GALNT17: variants seen among roughly 807,000 people sequenced by gnomAD.
The protein encoded by GALNT17 is UDP-GalNAc:polypeptide N-acetylgalactosaminyltransferase-like 3.
GALNT17 carries 29 observed loss-of-function variants against 63.7 expected under a neutral mutation model. The observed-to-expected ratio is 0.46, with a 90% CI of 0.34 to 0.62. The LOEUF (loss-of-function observed/expected upper bound fraction) is 0.62. GALNT17 is among the 20% of genes least tolerant of loss of function. GALNT17 has a pLI of 0.01. For synonymous variants in GALNT17, 305 were observed against 318.3 expected, an observed-to-expected ratio of 0.96 and a Z score of 0.45; for missense variants, 603 against 799.6, an observed-to-expected ratio of 0.75 and a Z score of 2.97.
chr7:71,171,445 C>G (rs10215649), intron 1 of GALNT17, among the ~76,000 whole-genome samples: 44,021 of 152,106 alleles, frequency 0.29, 7,134 homozygotes, highest in African/African-American at 0.44. Flanking sequence ...GTGTTGCAGT[C>G]AGCTATGATT....
At chr7:71,244,044 G>A (rs562037077) in intron 1 of GALNT17, among the ~76,000 whole-genome samples, 3 of 152,156 alleles carry the variant, frequency 2.0e-5, no homozygotes, top group Admixed American at 1.3e-4. Context: ...TAGAGGTGGC[G>A]TTTTCTGTGC....
chr7:71,647,485 C>A (rs928272216), intron 6 of GALNT17, among the ~76,000 whole-genome samples: 3 of 152,160 alleles, frequency 2.0e-5, no homozygotes, highest in African/African-American at 7.2e-5. Flanking sequence ...GACAGCTTCT[C>A]CTGTCCTCTG....
intron 9 of GALNT17, among the ~76,000 whole-genome samples, chr7:71,692,222 G>C (rs1791457939): frequency 6.6e-6 from 1 of 152,030 alleles, no homozygotes; most frequent in Non-Finnish European, 1.5e-5. Flanking sequence ...AGTGTGCCTG[G>C]CCCTTCTTTT....
chr7:71,327,737 T>C (rs1199846368), intron 1 of GALNT17, among the ~76,000 whole-genome samples: 2 of 152,108 alleles, frequency 1.3e-5, no homozygotes, highest in Non-Finnish European at 2.9e-5. Flanking sequence ...ACCCCAGGGC[T>C]AGCAACAGAG....
intron 6 of GALNT17, among the ~76,000 whole-genome samples, chr7:71,653,886 C>T (rs538179163): frequency 6.6e-6 from 1 of 152,294 alleles, no homozygotes; most frequent in East Asian, 1.9e-4. Context: ...AATTTAGAAA[C>T]AAGCACTGTG....
At chr7:71,222,169 G>C (rs533753910) in intron 1 of GALNT17, among the ~76,000 whole-genome samples, 263 of 152,034 alleles carry the variant, frequency 1.7e-3, no homozygotes, top group African/African-American at 5.9e-3. Context: ...AGCCTTCCAA[G>C]GTGCTGGGAT....
chr7:71,411,136 T>C (rs2116419852), intron 3 of GALNT17, among the ~76,000 whole-genome samples: 1 of 152,038 alleles, frequency 6.6e-6, no homozygotes, highest in South Asian at 2.1e-4. Context: ...TTTTTTTTCT[T>C]TTTTGAGAGA....
At chr7:71,279,103 T>C (rs1200329960) in intron 1 of GALNT17, among the ~76,000 whole-genome samples, 1 of 151,872 alleles carries the variant, frequency 6.6e-6, no homozygotes, top group Non-Finnish European at 1.5e-5. Flanking sequence ...TTTTTGTATT[T>C]TTAGTAGAGA....
intron 5 of GALNT17, among the ~76,000 whole-genome samples, chr7:71,471,299 A>C (rs1023133829): frequency 4.6e-5 from 7 of 151,482 alleles, no homozygotes; most frequent in African/African-American, 1.7e-4. Flanking sequence ...CTGGTCTCCG[A>C]ACTGCTGGAC....
At chr7:71,235,387 C>T (rs544809957) in intron 1 of GALNT17, among the ~76,000 whole-genome samples, 4 of 152,190 alleles carry the variant, frequency 2.6e-5, no homozygotes, top group African/African-American at 7.2e-5. Flanking sequence ...ATACTGCCAC[C>T]GAATTTCATT....
At chr7:71,666,383 T>G (rs2117048199) in intron 7 of GALNT17, among the ~76,000 whole-genome samples, 1 of 149,518 alleles carries the variant, frequency 6.7e-6, no homozygotes, top group South Asian at 2.1e-4. Context: ...TATAAATTTT[T>G]TTATGGCAGC....
chr7:71,460,199 G>A (rs1335499253), intron 5 of GALNT17, among the ~76,000 whole-genome samples: 1 of 152,090 alleles, frequency 6.6e-6, no homozygotes, highest in Non-Finnish European at 1.5e-5. Context: ...GTTTTACAGA[G>A]TTCAACTCTG....
At chr7:71,428,518 C>A (rs1163413618) in intron 5 of GALNT17, among the ~76,000 whole-genome samples, 1 of 152,168 alleles carries the variant, frequency 6.6e-6, no homozygotes, top group East Asian at 1.9e-4. Flanking sequence ...TGGCTAACTG[C>A]AACCTCTGCC....
chr7:71,464,828 C>G (rs1787509523), intron 5 of GALNT17, among the ~76,000 whole-genome samples: 1 of 151,778 alleles, frequency 6.6e-6, no homozygotes, highest in Admixed American at 6.6e-5. Flanking sequence ...TTCTCCCCAG[C>G]ATCCTCAATA....
intron 5 of GALNT17, among the ~76,000 whole-genome samples, chr7:71,515,604 C>G (rs1042828341): frequency 9.2e-5 from 14 of 152,190 alleles, no homozygotes; most frequent in Admixed American, 9.2e-4. Context: ...GATACAGGCC[C>G]TCTTTAAATT....
intron 5 of GALNT17, among the ~76,000 whole-genome samples, chr7:71,467,170 C>T (rs1048915156): frequency 1.3e-5 from 2 of 152,188 alleles, no homozygotes; most frequent in African/African-American, 2.4e-5. Context: ...TTCCCTAAGT[C>T]TAGTTCCTCT....
chr7:71,142,012 CTGTGTGTG>C (rs201770661), intron 1 of GALNT17, among the ~76,000 whole-genome samples: 4,368 of 124,862 alleles, frequency 0.035, 83 homozygotes, highest in Non-Finnish European at 0.043. Flanking sequence ...CCACATTTGG[CTGTGTGTG>C]TGTGTGTGTG....
At chr7:71,178,372 TTTTC>T (rs1181594744) in intron 1 of GALNT17, among the ~76,000 whole-genome samples, 1 of 152,234 alleles carries the variant, frequency 6.6e-6, no homozygotes, top group Non-Finnish European at 1.5e-5. Context: ...CTAGAGGTAG[TTTTC>T]TTTCTATTTA....
chr7:71,224,660 C>T (rs548073942), intron 1 of GALNT17, among the ~76,000 whole-genome samples: 1 of 152,260 alleles, frequency 6.6e-6, no homozygotes, highest in African/African-American at 2.4e-5. Context: ...CTCTTCCTTG[C>T]AAGGAAGCTG....
Sources: gnomAD v4.1 joint callset for allele counts (sites outside exome capture counted in the v4.1 genomes callset) on GRCh38, gnomAD v4.1.1 for gene constraint, MANE v1.5 for transcripts, NCBI Gene and HGNC (gene_info 2026-07-23, HGNC 2026-07-21) for gene names.